Variants in RFTN2 observed in about 807,000 individuals in gnomAD.
RFTN2 encodes raftlin-2.
RFTN2 carries 34 observed loss-of-function variants against 52.7 expected under a neutral mutation model. The observed-to-expected ratio is 0.64, with a 90% CI of 0.49 to 0.86. RFTN2 has a LOEUF of 0.86. Among genes scored for constraint, RFTN2 ranks in the 40% least tolerant of loss-of-function variants. RFTN2 has a pLI of 0.00. For missense variants in RFTN2, 536 were observed against 600.1 expected, an observed-to-expected ratio of 0.89 and a Z score of 1.12; for synonymous variants, 203 against 217.7, an observed-to-expected ratio of 0.93 and a Z score of 0.59.
chr2:197,638,836 G>A (rs370690869), intron 3 of RFTN2, among the ~76,000 whole-genome samples: 27,211 of 144,528 alleles, frequency 0.19, 2,675 homozygotes, highest in Middle Eastern at 0.27. Context: ...TCCTAGTCTC[G>A]ATGGTCTTTA....
chr2:197,572,154 G>T lies in RFTN2; in HGVS notation c.1360C>A (p.Pro454Thr), dbSNP rs957122188. 6.2e-7 allele frequency: 1 copy of T among 1,614,258 alleles called. No individual in the cohort carries two copies. Among genetic ancestry groups the T allele is most frequent in the Non-Finnish European group, 8.5e-7 (1 of 1,180,046 alleles). Reference protein sequence around the residue: ...RHLPEECRLSPSRECWTKEGR... With the variant: ...RHLPEECRLSTSRECWTKEGR... ...TCCTTTGTCCAGCATTCCCGGGAGG[G>T]AGAAAGGCGGCACTCCTCAGGCAGG... is the stretch of plus-strand genomic sequence containing the variant. Residue 454 changes from proline to threonine, a missense_variant, in exon 9 of 9, where the codon CCC becomes ACC. Physicochemically the swap from Pro to Thr is conservative, Grantham distance 38. Transcript: ENST00000295049.
At chr2:197,589,192 A>T (rs2087649189) in intron 8 of RFTN2, among the ~76,000 whole-genome samples, 1 of 117,774 alleles carries the variant, frequency 8.5e-6, no homozygotes, top group Non-Finnish European at 1.6e-5. Flanking sequence ...ATTGCACCCC[A>T]GCCTGGGTGA....
At chr2:197,636,990 G>C (rs1033904772) in intron 3 of RFTN2, among the ~76,000 whole-genome samples, 6 of 152,190 alleles carry the variant, frequency 3.9e-5, no homozygotes, top group South Asian at 2.1e-4. Context: ...TGCATCTATT[G>C]AGATAATCAT....
At chr2:197,575,461 T>C (rs753880029) in intron 8 of RFTN2, among the ~76,000 whole-genome samples, 3 of 152,204 alleles carry the variant, frequency 2.0e-5, no homozygotes, top group Non-Finnish European at 2.9e-5. Flanking sequence ...ACAGTATAAA[T>C]GCTCAACAAT....
chr2:197,649,248 G>A (rs1310726023), intron 1 of RFTN2, among the ~76,000 whole-genome samples: 2 of 152,152 alleles, frequency 1.3e-5, no homozygotes, highest in Non-Finnish European at 2.9e-5. Context: ...AGTGGGGATG[G>A]TTAAGAACAT....
chr2:197,668,450 CAT>C (rs1356634661), intron 1 of RFTN2, among the ~76,000 whole-genome samples: 1 of 152,120 alleles, frequency 6.6e-6, no homozygotes. Flanking sequence ...AGGTGGGGAA[CAT>C]ATGTGATGCT....
intron 1 of RFTN2, among the ~76,000 whole-genome samples, chr2:197,662,006 G>A (rs1317213997): frequency 1.3e-5 from 2 of 152,154 alleles, no homozygotes; most frequent in African/African-American, 4.8e-5. Flanking sequence ...TTGTTGACGT[G>A]TTTGAGTTCC....
chr2:197,659,847 A>G (rs138297952), intron 1 of RFTN2, among the ~76,000 whole-genome samples: 317 of 152,298 alleles, frequency 2.1e-3, no homozygotes, highest in African/African-American at 7.4e-3. Context: ...TATAAACACT[A>G]GCAAGTCCAC....
At chr2:197,574,919 T>C (rs768126311) in intron 8 of RFTN2, among the ~76,000 whole-genome samples, 26 of 152,036 alleles carry the variant, frequency 1.7e-4, no homozygotes, top group Non-Finnish European at 1.3e-4. Context: ...TTTGGGGAAC[T>C]GTTAGGTAGG....
At chr2:197,629,754 A>T (rs2088434482) in intron 5 of RFTN2, among the ~76,000 whole-genome samples, 1 of 146,128 alleles carries the variant, frequency 6.8e-6, no homozygotes, top group African/African-American at 2.5e-5. Flanking sequence ...ACAGTGTCTT[A>T]CTCTGTCACC....
chr2:197,632,003 A>G (rs542501698), intron 4 of RFTN2, among the ~76,000 whole-genome samples: 9 of 152,320 alleles, frequency 5.9e-5, no homozygotes, highest in African/African-American at 1.9e-4. Flanking sequence ...GCTACAGAAA[A>G]GTTATTGAGA....
intron 1 of RFTN2, among the ~76,000 whole-genome samples, chr2:197,667,960 T>G (rs1057399445): frequency 5.9e-5 from 9 of 151,794 alleles, no homozygotes; most frequent in Non-Finnish European, 1.0e-4. Context: ...GTGGGCTGGG[T>G]GGGTAGGAGG....
intron 1 of RFTN2, among the ~76,000 whole-genome samples, chr2:197,663,148 G>T (rs552324306): frequency 2.6e-5 from 4 of 152,226 alleles, no homozygotes; most frequent in Non-Finnish European, 5.9e-5. Flanking sequence ...CATGTTTATA[G>T]ATTTGCATAA....
Position 197,634,110 on chromosome 2 carries a change from G to C in RFTN2, c.439-113C>G, listed in dbSNP as rs2088516552. 3.5e-6 allele frequency: 3 copies of C among 867,012 alleles called. No homozygotes were observed. The Admixed American group carries it at 8.4e-5, about 24-fold the overall frequency. The allele number at this position is 867,012 out of a possible 1,614,324, so 53.7% of individuals were successfully genotyped here. On this transcript the variant is annotated intron_variant, in intron 3 of 8. Transcript: ENST00000295049. ...AATCCACTAGAAGATGGAGTAACTT[G>C]ACCAGTGACAAGACTCATTCATAAA...
At chr2:197,577,008 T>A (rs750300132) in intron 8 of RFTN2, among the ~76,000 whole-genome samples, 2 of 152,248 alleles carry the variant, frequency 1.3e-5, no homozygotes, top group Non-Finnish European at 2.9e-5. Context: ...TGATTGCCTC[T>A]TTTGGAGAAG....
intron 8 of RFTN2, among the ~76,000 whole-genome samples, chr2:197,590,706 G>A (rs2087693269): frequency 6.6e-6 from 1 of 152,036 alleles, no homozygotes; most frequent in African/African-American, 2.4e-5. Flanking sequence ...TCGTGGTCTC[G>A]CTGGTTCAGG....
rs562535818 is a variant in RFTN2 at position 197,626,393 on chromosome 2, A to G, written c.928+4618T>C. Among the ~76,000 whole-genome samples, 4 of 151,970 alleles carry G rather than the reference A, an allele frequency of 2.6e-5. No individual in the cohort carries two copies. In the South Asian group the frequency reaches 8.3e-4, roughly 32 times the overall value. On this transcript the variant is annotated intron_variant, in intron 5 of 8. Coordinates refer to ENST00000295049, the MANE Select transcript of RFTN2 (RefSeq NM_144629.3). ...CCAACCTGGGCAGCAAAGCGAGACC[A>G]TGTCTACAAAAAAATTTAAAAAATT...
intron 8 of RFTN2, 47 bp from the exon 9 acceptor site, chr2:197,572,327 T>A (rs565615793): frequency 6.3e-7 from 1 of 1,587,968 alleles, no homozygotes; most frequent in East Asian, 2.2e-5. Flanking sequence ...AAGATGGGTG[T>A]TTCCTGTCCC....
intron 5 of RFTN2, among the ~76,000 whole-genome samples, chr2:197,622,410 A>C (rs1332815672): frequency 2.0e-5 from 3 of 152,028 alleles, no homozygotes; most frequent in Non-Finnish European, 2.9e-5. Context: ...GGCTCAAGCA[A>C]TTCTCCTGCC....
Sources: gnomAD v4.1 joint callset for allele counts (sites outside exome capture counted in the v4.1 genomes callset) on GRCh38, gnomAD v4.1.1 for gene constraint, MANE v1.5 for transcripts, NCBI Gene and HGNC (gene_info 2026-07-23, HGNC 2026-07-21) for gene names.